MUS81: variants seen among roughly 807,000 people sequenced by gnomAD.
The protein encoded by MUS81 is MUS81 structure-specific endonuclease subunit.
Under a neutral mutation model 74.2 loss-of-function variants are expected in MUS81, and 69 were observed. The ratio of observed to expected loss-of-function variants is 0.93; its 90% CI spans 0.77 to 1.14. The LOEUF is 1.14. Among genes scored for constraint, MUS81 ranks in the 50% most tolerant of loss-of-function variants. MUS81 has a pLI of 0.00. For synonymous variants in MUS81, 303 were observed against 300.6 expected, an observed-to-expected ratio of 1.01 and a Z score of -0.08; for missense variants, 711 against 726.5, an observed-to-expected ratio of 0.98 and a Z score of 0.25.
Position 65,863,733 on chromosome 11 carries a change from T to A in MUS81, c.961+12T>A. On this transcript the variant is annotated intron_variant, in intron 9 of 15. Coordinates refer to ENST00000308110, the MANE Select transcript of MUS81 (RefSeq NM_025128.5). The stretch of plus-strand genomic sequence containing the variant: ...TCCTAGAGACCCAGGTGAAGGGCCG[T>A]GGACAGGCTGGCACCAGGGGCAGGG... 6.2e-7 allele frequency: 1 copy of A among 1,613,954 alleles called. No individual in the cohort carries two copies. The highest frequency in any genetic ancestry group is 8.5e-7 in the Non-Finnish European group (1 of 1,179,914).
At chr11:65,862,627 T>TC in intron 6 of MUS81, 98 bp downstream of exon 6, 1 of 1,066,412 alleles carries the variant, frequency 9.4e-7, no homozygotes, top group South Asian at 1.4e-5. Context: ...CTGTTGAGAT[T>TC]GGGGGGGGTG....
chr11:65,866,752 GC>G (rs201135561), downstream of MUS81: 19,696 of 889,492 alleles, frequency 0.022, 294 homozygotes, highest in Non-Finnish European at 0.03. Context: ...AACTTGGCCT[GC>G]CCCCCCAAGT....
chr11:65,860,862 C>T lies in MUS81; in HGVS notation c.109C>T (p.Arg37Cys), dbSNP rs1425349544. 1 of 1,550,072 alleles carries T rather than the reference C, an allele frequency of 6.5e-7. No individual in the cohort carries two copies. The highest frequency in any genetic ancestry group is 8.7e-7 in the Non-Finnish European group (1 of 1,149,898). Residue 37 changes from arginine (R) to cysteine (C), a missense_variant, in exon 1 of 16, where the codon CGC becomes TGC. Coordinates refer to ENST00000308110, the MANE Select transcript of MUS81 (RefSeq NM_025128.5). The part of the protein sequence containing the change: ...EWRDEATRSR[R>C]RTRFVFQKAL... ...GCGGGACGAGGCGACCCGCAGCAGG[C>T]GCCGCACGCGCTTCGTATTTCAGAA...
rs200099847 is a variant in MUS81 at position 65,864,571 on chromosome 11, C to G, written c.1134C>G (p.Ser378Arg). The G allele has an allele frequency of 1.2e-6, 2 of 1,614,182 alleles. No homozygotes were observed. Among genetic ancestry groups the G allele is most frequent in the Non-Finnish European group, 1.7e-6 (2 of 1,180,036 alleles). Residue 378 changes from serine to arginine, a missense_variant, in exon 11 of 16, where the codon AGC becomes AGG. Physicochemically the swap from Ser to Arg is moderately radical, Grantham distance 110 (BLOSUM62 -1). Transcript: ENST00000308110. ...AGCATGGTTCCGTCCACAACCTCAGCCTTCCTGAGAGCACACTGCTGCAGG... is the reference window on the plus strand; with the variant it reads ...AGCATGGTTCCGTCCACAACCTCAGGCTTCCTGAGAGCACACTGCTGCAGG... ...VEEHGSVHNLSLPESTLLQAV... is the reference protein window; with the variant it reads ...VEEHGSVHNLRLPESTLLQAV...
intron 7 of MUS81, 102 bp from the exon 8 acceptor site, chr11:65,863,308 C>T: frequency 1.3e-6 from 2 of 1,580,530 alleles, no homozygotes; most frequent in South Asian, 1.1e-5. Flanking sequence ...CTGTGGCTGC[C>T]TCCCTACTGT....
At position 65,866,382 on chromosome 11, in the gene MUS81, G is replaced by A. The variant is rs1400196997; in HGVS notation, c.*330G>A. 3.2e-6 allele frequency: 2 copies of A among 632,270 alleles called. No homozygotes were observed. Among genetic ancestry groups the A allele is most frequent in the African/African-American group, 1.8e-5 (1 of 54,148 alleles). The allele number at this position is 632,270 out of a possible 1,614,324, so 39.2% of individuals were successfully genotyped here. A position where few individuals can be genotyped will look rare whatever the true frequency, so the allele number is the denominator to read the frequency against. ...TCCTTAGGAGTGCAGAGGGCTCATTGGGAAAATAAAAATAATAAAAATAAA... is the reference window on the plus strand; with the variant it reads ...TCCTTAGGAGTGCAGAGGGCTCATTAGGAAAATAAAAATAATAAAAATAAA... On this transcript the variant is annotated 3_prime_UTR_variant, in exon 16 of 16. Coordinates refer to ENST00000308110, the MANE Select transcript of MUS81 (RefSeq NM_025128.5).
chr11:65,859,985 T>TA (rs1591051295), upstream of MUS81: 4 of 239,452 alleles, frequency 1.7e-5, no homozygotes, highest in East Asian at 1.9e-4. Flanking sequence ...ACCTCTTACT[T>TA]ACAGTCCTCC....
At chr11:65,867,040 G>T (rs755411303), downstream of MUS81, 1 of 1,614,196 alleles carries the variant, frequency 6.2e-7, no homozygotes, top group Non-Finnish European at 8.5e-7. Flanking sequence ...CCCGTCACCG[G>T]CCGGGCGAGG....
chr11:65,864,808 T>G lies in MUS81; in HGVS notation c.1265T>G (p.Leu422Arg), dbSNP rs1459647101. 6.2e-7 allele frequency: 1 copy of G among 1,612,746 alleles called. No homozygotes were observed. The highest frequency in any genetic ancestry group is 8.5e-7 in the Non-Finnish European group (1 of 1,179,796). ...CTCTTGACGCGGGGCCTGCAGAGAC[T>G]CTACCAGGTGAGCAGAGGCCCCTTT... The part of the protein sequence containing the change: ...LALLTRGLQR[L>R]YQGHTLRSRP... The change falls in exon 12 of 16, where the codon CTC becomes CGC. Residue 422 changes from leucine to arginine, a missense_variant. Physicochemically the swap from Leu to Arg is moderately radical, Grantham distance 102. Transcript: ENST00000308110.
Position 65,860,765 on chromosome 11 carries a change from G to T in MUS81, c.12G>T (p.Pro4=). The change falls in exon 1 of 16, where the codon CCG becomes CCT. Residue 4 remains proline (P), a synonymous_variant. Transcript: ENST00000308110. MAA[P]VRLGRKRPLP... is the part of the protein sequence containing the mutation. ...CCGCCCTCGGGCTCATGGCGGCCCCGGTCCGCCTGGGCCGGAAGCGCCCGC... is the reference window on the plus strand; with the variant it reads ...CCGCCCTCGGGCTCATGGCGGCCCCTGTCCGCCTGGGCCGGAAGCGCCCGC... 1 of 1,534,640 alleles carries T rather than the reference G, an allele frequency of 6.5e-7. No individual in the cohort carries two copies. The highest frequency in any genetic ancestry group is 8.7e-7 in the Non-Finnish European group (1 of 1,145,640).
chr11:65,860,271 C>T (rs918934970), upstream of MUS81: 1 of 457,304 alleles, frequency 2.2e-6, no homozygotes, highest in Non-Finnish European at 4.4e-6. Flanking sequence ...CCATCTCCAG[C>T]CTCCTTCAAG....
intron 12 of MUS81, 37 bp from the exon 13 acceptor site, chr11:65,864,980 C>G: frequency 6.2e-7 from 1 of 1,608,804 alleles, no homozygotes; most frequent in Non-Finnish European, 8.5e-7. Flanking sequence ...GTTGTTCCTT[C>G]GAGCTCCAGC....
intron 3 of MUS81, 65 bp from the exon 4 acceptor site, chr11:65,861,882 T>C (rs1859619563): frequency 7.6e-7 from 1 of 1,324,272 alleles, no homozygotes; most frequent in Non-Finnish European, 1.1e-6. Context: ...CCACAAAGCC[T>C]GCTGGGGACT....
At chr11:65,861,125 G>C in intron 2 of MUS81, 23 bp downstream of exon 2, 4 of 1,611,542 alleles carry the variant, frequency 2.5e-6, no homozygotes, top group Non-Finnish European at 2.5e-6. Context: ...GAAAGGGGTC[G>C]GTGATCCCCC....
chr11:65,861,645 AAGGATCCC>A, intron 3 of MUS81: 2 of 606,428 alleles, frequency 3.3e-6, no homozygotes, highest in Non-Finnish European at 5.8e-6. Flanking sequence ...CAAGCTACTT[AAGGATCCC>A]AGCTCAGTTA....
chr11:65,862,578 T>C (rs1296249555), intron 6 of MUS81, 49 bp downstream of exon 6: 1 of 1,554,028 alleles, frequency 6.4e-7, no homozygotes, highest in Non-Finnish European at 8.9e-7. Flanking sequence ...AACTTCTTAG[T>C]AGGGCCTTAG....
downstream of MUS81, chr11:65,867,598 T>G: frequency 1.9e-6 from 1 of 524,858 alleles, no homozygotes. Flanking sequence ...GCCATTCCCT[T>G]GGTTTGTGGG....
downstream of MUS81, chr11:65,866,864 A>C: frequency 6.2e-7 from 1 of 1,607,030 alleles, no homozygotes; most frequent in Non-Finnish European, 8.5e-7. Flanking sequence ...TCTGCCCCTC[A>C]CAACAGGCTC....
intron 13 of MUS81, 33 bp downstream of exon 13, chr11:65,865,178 C>G (rs752254168): frequency 5.6e-6 from 9 of 1,614,226 alleles, no homozygotes; most frequent in South Asian, 1.1e-5. Context: ...CAGACATGGC[C>G]TGGCCCAGAC....
Sources: allele counts gnomAD v4.1 joint callset, GRCh38; gene constraint gnomAD v4.1.1; transcripts MANE v1.5; gene names NCBI Gene and HGNC (gene_info 2026-07-23, HGNC 2026-07-21).